The following LAP3 variants were observed in gnomAD, a reference collection of about 807,000 sequenced individuals.
LAP3 encodes cytosol aminopeptidase.
A neutral mutation model predicts 58.8 loss-of-function variants in LAP3; 46 were observed. That is an observed-to-expected ratio of 0.78 (90% CI 0.62 to 1.00). The LOEUF (loss-of-function observed/expected upper bound fraction) is 1.00, where lower values mean the gene tolerates loss of function less well. Ranked by LOEUF, LAP3 falls within the 50% of genes least tolerant of loss-of-function variation. The pLI is 0.00. For missense variants in LAP3, 615 were observed against 659.1 expected, an observed-to-expected ratio of 0.93 and a Z score of 0.73; for synonymous variants, 257 against 237.7, an observed-to-expected ratio of 1.08 and a Z score of -0.75.
chr4:17,580,165 C>CATATATATGTATATATATATATATAT (rs1553880882), intron 2 of LAP3, among the ~76,000 whole-genome samples: 1 of 45,984 alleles, frequency 2.2e-5, no homozygotes, highest in African/African-American at 1.3e-4. Flanking sequence ...TCCCGGCTTT[C>CATATATATGTATATATATATATATAT]ATATATATAT....
chr4:17,580,507 T>C (rs1347445572), intron 2 of LAP3, among the ~76,000 whole-genome samples: 1 of 151,920 alleles, frequency 6.6e-6, no homozygotes, highest in South Asian at 2.1e-4. Context: ...GAAAGACTGA[T>C]CCAGAATAAT....
intron 10 of LAP3, among the ~76,000 whole-genome samples, chr4:17,603,252 G>A (rs1417160770): frequency 6.6e-6 from 1 of 151,912 alleles, no homozygotes; most frequent in African/African-American, 2.4e-5. Flanking sequence ...AGGTTGCAGT[G>A]AGCTGAGATC....
At chr4:17,578,607 A>G (rs1713273475) in intron 1 of LAP3, among the ~76,000 whole-genome samples, 1 of 152,208 alleles carries the variant, frequency 6.6e-6, no homozygotes, top group Non-Finnish European at 1.5e-5. Flanking sequence ...CAAGGGGGAT[A>G]AGGCTACTTG....
intron 6 of LAP3, chr4:17,585,422 G>T: frequency 4.9e-6 from 1 of 203,442 alleles, no homozygotes; most frequent in Non-Finnish European, 9.8e-6. Flanking sequence ...AATGCAAAGT[G>T]TGCAATTCAG....
chr4:17,579,816 A>G lies in LAP3; in HGVS notation c.103-8A>G, dbSNP rs1192561837. 6.4e-7 allele frequency: 1 copy of G among 1,551,864 alleles called. No individual in the cohort carries two copies. Among genetic ancestry groups the G allele is most frequent in the African/African-American group, 1.4e-5 (1 of 72,744 alleles). Reference sequence around the variant, plus strand: ...TCTATTATATTTACGTTTTTTGCTTATTCCCAGGGCCTTGTTTTAGGAATC... The same window carrying G: ...TCTATTATATTTACGTTTTTTGCTTGTTCCCAGGGCCTTGTTTTAGGAATC... On this transcript the variant is annotated splice_polypyrimidine_tract_variant and splice_region_variant and intron_variant, in intron 1 of 12. Coordinates refer to ENST00000226299, the MANE Select transcript of LAP3 (RefSeq NM_015907.3).
intron 3 of LAP3, chr4:17,582,015 C>T: frequency 3.4e-6 from 2 of 596,216 alleles, no homozygotes; most frequent in Non-Finnish European, 5.9e-6. Flanking sequence ...TGAAGGCTTT[C>T]TTTATCCGGT....
chr4:17,582,986 AACTTT>A (rs1391960748), intron 4 of LAP3, among the ~76,000 whole-genome samples: 10 of 152,238 alleles, frequency 6.6e-5, no homozygotes, highest in East Asian at 3.8e-4. Flanking sequence ...AATGCTCATT[AACTTT>A]ACTTCAAATA....
chr4:17,601,811 C>G (rs147370661), intron 10 of LAP3, among the ~76,000 whole-genome samples: 6 of 152,192 alleles, frequency 3.9e-5, no homozygotes, highest in African/African-American at 1.4e-4. Flanking sequence ...CGTGTATGTT[C>G]AGTACTGATG....
At chr4:17,601,774 T>G (rs1006271872) in intron 10 of LAP3, among the ~76,000 whole-genome samples, 1 of 152,078 alleles carries the variant, frequency 6.6e-6, no homozygotes, top group African/African-American at 2.4e-5. Flanking sequence ...CTGTATTGTT[T>G]AGGGAATAAT....
intron 1 of LAP3, 74 bp downstream of exon 1, chr4:17,577,641 C>A: frequency 1.6e-6 from 2 of 1,233,648 alleles, no homozygotes; most frequent in Non-Finnish European, 2.3e-6. Context: ...CGGGGCTGGT[C>A]GAAGCCGCGG....
Position 17,577,495 on chromosome 4 carries a change from G to A in LAP3, c.30G>A (p.Gly10=), listed in dbSNP as rs1350518034. ...TCTTGCTGCCTCTTCCGGCTGCGGG[G>A]CGAGTAGTCGTCCGACGTCTGGCCG... MFLLPLPAA[G]RVVVRRLAVR... is the part of the protein sequence containing the mutation. The change falls in exon 1 of 13, where the codon GGG becomes GGA. Residue 10 remains glycine, a synonymous_variant. Coordinates refer to ENST00000226299, the MANE Select transcript of LAP3 (RefSeq NM_015907.3). The A allele has an allele frequency of 6.3e-7, 1 of 1,584,818 alleles. No homozygotes were observed. Among genetic ancestry groups the A allele is most frequent in the Non-Finnish European group, 8.6e-7 (1 of 1,167,300 alleles).
At chr4:17,600,883 G>C (rs924648923) in intron 10 of LAP3, among the ~76,000 whole-genome samples, 9 of 152,224 alleles carry the variant, frequency 5.9e-5, no homozygotes, top group African/African-American at 2.2e-4. Context: ...CCATAAAAGG[G>C]GTATAATAGC....
At chr4:17,578,966 T>C (rs887022913) in intron 1 of LAP3, among the ~76,000 whole-genome samples, 2 of 152,210 alleles carry the variant, frequency 1.3e-5, no homozygotes, top group African/African-American at 2.4e-5. Context: ...ATCTTCCCTC[T>C]ATCCTCCTAG....
chr4:17,597,519 T>C (rs182399120), intron 9 of LAP3, among the ~76,000 whole-genome samples: 23 of 152,324 alleles, frequency 1.5e-4, no homozygotes, highest in African/African-American at 5.0e-4. Flanking sequence ...TCTGCCCACC[T>C]TGTTCTCCCA....
intron 11 of LAP3, among the ~76,000 whole-genome samples, chr4:17,606,532 G>A (rs760661759): frequency 2.6e-5 from 4 of 152,092 alleles, no homozygotes; most frequent in South Asian, 2.1e-4. Flanking sequence ...TAGAGACAGC[G>A]TTTCACCATG....
chr4:17,586,119 T>C (rs1713507571), intron 6 of LAP3: 1 of 152,234 alleles, frequency 6.6e-6, no homozygotes, highest in African/African-American at 2.4e-5. Flanking sequence ...GCTGTGTCAG[T>C]GGGAGGCTGT....
Position 17,578,906 on chromosome 4 carries a change from G to A in LAP3, c.103-918G>A, listed in dbSNP as rs75858373. Among the ~76,000 whole-genome samples the A allele has an allele frequency of 9.9e-5, 15 of 152,236 alleles. No homozygotes were observed. The East Asian group carries it at 2.7e-3, about 27-fold the overall frequency. On this transcript the variant is annotated intron_variant, in intron 1 of 12. Coordinates refer to ENST00000226299, the MANE Select transcript of LAP3 (RefSeq NM_015907.3). ...GCACAGCCATTGGCTTGACTGGAACGGCATCCTAGAATATCTGGGATTTGC... is the reference window on the plus strand; with the variant it reads ...GCACAGCCATTGGCTTGACTGGAACAGCATCCTAGAATATCTGGGATTTGC...
intron 8 of LAP3, among the ~76,000 whole-genome samples, chr4:17,596,502 G>A (rs1713835240): frequency 6.6e-6 from 1 of 152,050 alleles, no homozygotes; most frequent in African/African-American, 2.4e-5. Context: ...ACCATGCCTG[G>A]TTAATTTTGT....
At position 17,598,523 on chromosome 4, in the gene LAP3, AC is replaced by A; in HGVS notation, c.1148del (p.Pro383ArgfsTer10). 6.2e-7 allele frequency: 1 copy of A among 1,614,110 alleles called. No individual in the cohort carries two copies. The highest frequency in any genetic ancestry group is 8.5e-7 in the Non-Finnish European group (1 of 1,180,018). On this transcript the variant is annotated frameshift_variant, in exon 10 of 13. Transcript: ENST00000226299. LOFTEE classifies it high-confidence loss of function. ...ADALCYAHTF[N>X]PKVILNAATL... ...GCGCTCTGTTACGCACACACGTTTA[AC>A]CCGAAGGTCATCCTCAATGCCGCCA...
Sources: gnomAD v4.1 joint callset for allele counts (sites outside exome capture counted in the v4.1 genomes callset) on GRCh38, gnomAD v4.1.1 for gene constraint, MANE v1.5 for transcripts, NCBI Gene and HGNC (gene_info 2026-07-23, HGNC 2026-07-21) for gene names.